The following TEAD1 variants were observed in gnomAD, a reference collection of about 807,000 sequenced individuals.
TEAD1 encodes transcriptional enhancer factor TEF-1.
Under a neutral mutation model 54.9 loss-of-function variants are expected in TEAD1, and 9 were observed. The ratio of observed to expected loss-of-function variants is 0.16; its 90% CI spans 0.10 to 0.29. TEAD1 has a LOEUF of 0.29. Ranked by LOEUF, TEAD1 falls within the 10% of genes least tolerant of loss-of-function variation. The pLI, the probability that TEAD1 is intolerant of heterozygous loss-of-function variation, is 1.00. For synonymous variants in TEAD1, 200 were observed against 187.8 expected, an observed-to-expected ratio of 1.07 and a Z score of -0.53; for missense variants, 387 against 535.9, an observed-to-expected ratio of 0.72 and a Z score of 2.74.
At chr11:12,912,876 C>T (rs1439243463) in intron 10 of TEAD1, among the ~76,000 whole-genome samples, 1 of 152,082 alleles carries the variant, frequency 6.6e-6, no homozygotes, top group East Asian at 1.9e-4. Flanking sequence ...GTCCTGGGTC[C>T]TTTGTCTCTG....
intron 9 of TEAD1, among the ~76,000 whole-genome samples, chr11:12,883,567 T>C (rs180778773): frequency 3.7e-3 from 556 of 152,274 alleles, no homozygotes; most frequent in Non-Finnish European, 6.3e-3. Context: ...TAAGTAACTT[T>C]CCCAGAGTCA....
chr11:12,680,183 C>G (rs954189108), intron 2 of TEAD1, among the ~76,000 whole-genome samples: 1 of 152,152 alleles, frequency 6.6e-6, no homozygotes, highest in African/African-American at 2.4e-5. Flanking sequence ...TGAAGGGAGT[C>G]GTCTTTGACG....
intron 2 of TEAD1, among the ~76,000 whole-genome samples, chr11:12,716,813 C>T (rs900378644): frequency 6.6e-6 from 1 of 152,196 alleles, no homozygotes; most frequent in African/African-American, 2.4e-5. Context: ...GATGGCAGAC[C>T]AGATTTGGCC....
chr11:12,934,656 G>A (rs1244932324), intron 12 of TEAD1, among the ~76,000 whole-genome samples: 1 of 151,516 alleles, frequency 6.6e-6, no homozygotes, highest in East Asian at 1.9e-4. Flanking sequence ...AAGACTTTAT[G>A]GCCTTGGTCA....
intron 2 of TEAD1, among the ~76,000 whole-genome samples, chr11:12,694,769 C>A (rs75836115): frequency 1.3e-5 from 2 of 152,140 alleles, no homozygotes; most frequent in Non-Finnish European, 2.9e-5. Context: ...TGTTAGCTAG[C>A]GTGGGATTTG....
At chr11:12,825,185 T>C (rs1210152448) in intron 3 of TEAD1, among the ~76,000 whole-genome samples, 1 of 152,206 alleles carries the variant, frequency 6.6e-6, no homozygotes, top group African/African-American at 2.4e-5. Flanking sequence ...TGTTAAGATC[T>C]GAAGCCAGGC....
At chr11:12,826,425 A>G (rs1344175559) in intron 3 of TEAD1, among the ~76,000 whole-genome samples, 1 of 152,218 alleles carries the variant, frequency 6.6e-6, no homozygotes, top group Non-Finnish European at 1.5e-5. Flanking sequence ...TGGGTCCTCC[A>G]TAGTGGGGAA....
intron 3 of TEAD1, among the ~76,000 whole-genome samples, chr11:12,847,909 A>G (rs1277894735): frequency 6.6e-6 from 1 of 152,178 alleles, no homozygotes; most frequent in South Asian, 2.1e-4. Flanking sequence ...TTGCTTGGTC[A>G]TCATCTCCAG....
At chr11:12,725,611 T>G (rs1209106787) in intron 2 of TEAD1, among the ~76,000 whole-genome samples, 2 of 111,964 alleles carry the variant, frequency 1.8e-5, no homozygotes, top group African/African-American at 4.9e-5. Context: ...TACGTATCAG[T>G]TAAAAAAAAA....
chr11:12,858,574 T>C (rs1481137300), intron 3 of TEAD1, among the ~76,000 whole-genome samples: 3 of 152,222 alleles, frequency 2.0e-5, no homozygotes, highest in East Asian at 3.8e-4. Flanking sequence ...GATTTTATAA[T>C]TTAAAAAGCA....
chr11:12,705,184 C>A (rs1456940943), intron 2 of TEAD1, among the ~76,000 whole-genome samples: 1 of 152,178 alleles, frequency 6.6e-6, no homozygotes, highest in Non-Finnish European at 1.5e-5. Flanking sequence ...ATTCGCATAT[C>A]CTCTTTCTTG....
At chr11:12,851,399 T>C (rs780541307) in intron 3 of TEAD1, among the ~76,000 whole-genome samples, 3 of 152,272 alleles carry the variant, frequency 2.0e-5, no homozygotes, top group Non-Finnish European at 2.9e-5. Flanking sequence ...TACTATGCGA[T>C]GATAGCTATG....
chr11:12,809,035 C>T (rs1397254099), intron 3 of TEAD1, among the ~76,000 whole-genome samples: 1 of 152,188 alleles, frequency 6.6e-6, no homozygotes, highest in Non-Finnish European at 1.5e-5. Context: ...GAATGAGGCC[C>T]ATCCCAAAGT....
intron 2 of TEAD1, among the ~76,000 whole-genome samples, chr11:12,726,596 C>T (rs933648994): frequency 1.3e-5 from 2 of 152,304 alleles, no homozygotes; most frequent in African/African-American, 2.4e-5. Flanking sequence ...GGGCTGGGCA[C>T]GGTGGCTCAT....
At position 12,674,849 on chromosome 11, in the gene TEAD1, G is replaced by C. The variant is rs1407469021; in HGVS notation, c.-208+15G>C. On this transcript the variant is annotated intron_variant, in intron 1 of 12. Coordinates refer to ENST00000527636, the MANE Select transcript of TEAD1 (RefSeq NM_021961.6). ...CCTGGGCCGAGGTAAGTTGGCGCGC[G>C]GGGCGGATGCTGGGGTGCGGGGGGC... The C allele has an allele frequency of 1.3e-5, 2 of 150,956 alleles. No individual in the cohort carries two copies. Among genetic ancestry groups the C allele is most frequent in the Admixed American group, 6.6e-5 (1 of 15,164 alleles). The allele number at this position is 150,956 out of a possible 1,614,324, so 9.4% of individuals were successfully genotyped here. A position where few individuals can be genotyped will look rare whatever the true frequency, so the allele number is the denominator to read the frequency against.
chr11:12,832,120 T>C (rs1946796968), intron 3 of TEAD1, among the ~76,000 whole-genome samples: 1 of 152,024 alleles, frequency 6.6e-6, no homozygotes, highest in African/African-American at 2.4e-5. Flanking sequence ...GTGATTAAAA[T>C]GATTACTATG....
chr11:12,831,121 T>G (rs1946770567), intron 3 of TEAD1, among the ~76,000 whole-genome samples: 1 of 152,160 alleles, frequency 6.6e-6, no homozygotes, highest in South Asian at 2.1e-4. Flanking sequence ...ATTTCTTACT[T>G]TCTTCCTTCT....
At chr11:12,681,858 T>C (rs979896551) in intron 2 of TEAD1, among the ~76,000 whole-genome samples, 2 of 152,244 alleles carry the variant, frequency 1.3e-5, no homozygotes, top group Admixed American at 1.3e-4. Flanking sequence ...GGCACATAGA[T>C]CCATTTACAT....
At chr11:12,839,598 G>A (rs921825615) in intron 3 of TEAD1, among the ~76,000 whole-genome samples, 2 of 152,180 alleles carry the variant, frequency 1.3e-5, no homozygotes, top group Non-Finnish European at 2.9e-5. Context: ...CTCCTGCCGT[G>A]TAGTAGTACT....
Sources: allele counts gnomAD v4.1 joint callset (sites outside exome capture counted in the v4.1 genomes callset), GRCh38; gene constraint gnomAD v4.1.1; transcripts MANE v1.5; gene names NCBI Gene and HGNC (gene_info 2026-07-23, HGNC 2026-07-21).